Variants in LRRC58 observed in about 807,000 individuals in gnomAD.
The protein encoded by LRRC58 is leucine rich repeat containing 58.
A neutral mutation model predicts 30.6 loss-of-function variants in LRRC58; 18 were observed. That is an observed-to-expected ratio of 0.59 (90% CI 0.41 to 0.87). LRRC58 has a LOEUF of 0.87. LRRC58 is among the 40% of genes least tolerant of loss of function. The pLI, the probability that LRRC58 is intolerant of heterozygous loss-of-function variation, is 0.00. For synonymous variants in LRRC58, 221 were observed against 206.0 expected (o/e 1.07, Z -0.62); for missense variants, 420 against 468.4 (o/e 0.90, Z 0.95).
rs1403833818 is a variant in LRRC58, at chr3:120,331,042, G to C, written c.*158C>G. On this transcript the variant is annotated 3_prime_UTR_variant, in exon 4 of 4. Transcript: ENST00000295628. Reference sequence around the variant, plus strand: ...ACATGGGACTGGACTCATTCTTGCTGAATGGGTAGATGAAACACAAAATGT... The same window carrying C: ...ACATGGGACTGGACTCATTCTTGCTCAATGGGTAGATGAAACACAAAATGT... 3.2e-6 allele frequency: 2 copies of C among 629,692 alleles called. No homozygotes were observed. Among genetic ancestry groups the C allele is most frequent in the African/African-American group, 3.7e-5 (2 of 54,298 alleles). The allele number at this position is 629,692 out of a possible 1,614,324, so 39.0% of individuals were successfully genotyped here.
rs1432214204 is a variant in LRRC58, at chr3:120,348,968, G to A, written c.276C>T (p.Gly92=). Residue 92 remains glycine, a synonymous_variant, in exon 1 of 4, where the codon GGC becomes GGT. Coordinates refer to ENST00000295628, the MANE Select transcript of LRRC58 (RefSeq NM_001099678.2). ...ALGPELLALR[G]LRTLLAKNNR... is the part of the protein sequence containing the mutation. ...TGTTCTTGGCCAGCAGCGTGCGCAG[G>A]CCGCGCAGAGCGAGCAGCTCCGGCC... 1 of 1,538,770 alleles carries A rather than the reference G, an allele frequency of 6.5e-7. No individual in the cohort carries two copies. The highest frequency in any genetic ancestry group is 2.5e-5 in the East Asian group (1 of 40,462).
At chr3:120,337,922 T>C (rs965477625) in intron 1 of LRRC58, among the ~76,000 whole-genome samples, 2 of 152,068 alleles carry the variant, frequency 1.3e-5, no homozygotes, top group South Asian at 2.1e-4. Flanking sequence ...CACTGCAACC[T>C]CTGCCTCACG....
chr3:120,348,471 T>C (rs1000349056), intron 1 of LRRC58, among the ~76,000 whole-genome samples: 1 of 152,186 alleles, frequency 6.6e-6, no homozygotes, highest in African/African-American at 2.4e-5. Flanking sequence ...TTCCACTCAG[T>C]TTGGATCACG....
chr3:120,342,586 G>A (rs1417030868), intron 1 of LRRC58, among the ~76,000 whole-genome samples: 1 of 152,152 alleles, frequency 6.6e-6, no homozygotes, highest in African/African-American at 2.4e-5. Context: ...AGGGCCTCCT[G>A]TCTGCTGAGA....
intron 1 of LRRC58, among the ~76,000 whole-genome samples, chr3:120,343,557 T>C (rs974998601): frequency 1.3e-5 from 2 of 152,252 alleles, no homozygotes; most frequent in Non-Finnish European, 2.9e-5. Flanking sequence ...ATTAATATAT[T>C]GACCTTAAAA....
chr3:120,347,858 G>A (rs960344162), intron 1 of LRRC58, among the ~76,000 whole-genome samples: 1 of 151,800 alleles, frequency 6.6e-6, no homozygotes, highest in Non-Finnish European at 1.5e-5. Flanking sequence ...TCCCCCACCG[G>A]GCACTTTTAT....
At chr3:120,336,270 GT>G (rs762085556) in intron 1 of LRRC58, among the ~76,000 whole-genome samples, 8 of 152,164 alleles carry the variant, frequency 5.3e-5, no homozygotes, top group Non-Finnish European at 1.2e-4. Context: ...GAAGATAAAA[GT>G]TTTAAAAAGG....
rs949922341 is a variant in LRRC58, at chr3:120,325,623, C to G, written c.*5577G>C. The G allele has an allele frequency of 2.6e-5, 4 of 151,846 alleles. No homozygotes were observed. Among genetic ancestry groups the G allele is most frequent in the African/African-American group, 7.3e-5 (3 of 41,320 alleles). The allele number at this position is 151,846 out of a possible 1,614,324, so 9.4% of individuals were successfully genotyped here. On this transcript the variant is annotated 3_prime_UTR_variant, in exon 4 of 4. Transcript: ENST00000295628. ...ATATCAATTCTTAGTAAATATAGAC[C>G]AAGAAGAGATAGAAAAAGAATGGGA... is the stretch of plus-strand genomic sequence containing the variant.
In LRRC58 at chr3:120,331,343, G is replaced by A. The variant is rs1314334021; in HGVS notation, c.973C>T (p.Pro325Ser). The change falls in exon 4 of 4, where the codon CCA (proline) becomes TCA (serine). Residue 325 changes from proline to serine, a missense_variant. Physicochemically the swap from Pro to Ser is moderately conservative, Grantham distance 74. Coordinates refer to ENST00000295628, the MANE Select transcript of LRRC58 (RefSeq NM_001099678.2). ...FVDFCGKYRLPLMHYLCSPEC... is the reference protein window; with the variant it reads ...FVDFCGKYRLSLMHYLCSPEC... ...GGTGAACACAAGTAGTGCATCAGTG[G>A]GAGGCGATACTTCCCACAGAAGTCC... The A allele has an allele frequency of 6.2e-7, 1 of 1,613,918 alleles. No homozygotes were observed. Among genetic ancestry groups the A allele is most frequent in the South Asian group, 1.1e-5 (1 of 91,076 alleles).
chr3:120,326,937 A>T lies in LRRC58; in HGVS notation c.*4263T>A, dbSNP rs1441611822. On this transcript the variant is annotated 3_prime_UTR_variant, in exon 4 of 4. Transcript: ENST00000295628. The stretch of plus-strand genomic sequence containing the variant: ...TTTACATAGTGAAAAGGTAAACATT[A>T]ACCAAGGCTACCTGTTATATCACAA... 6.6e-6 allele frequency: 1 copy of T among 152,326 alleles called. No individual in the cohort carries two copies. Among genetic ancestry groups the T allele is most frequent in the Admixed American group, 6.5e-5 (1 of 15,306 alleles). 9.4% of individuals were successfully genotyped at this position (152,326 alleles called of 1,614,324 possible).
At chr3:120,335,447 A>T (rs1159389834) in intron 2 of LRRC58, among the ~76,000 whole-genome samples, 1 of 152,216 alleles carries the variant, frequency 6.6e-6, no homozygotes, top group Non-Finnish European at 1.5e-5. Flanking sequence ...TCTCATTCAG[A>T]TATCTAAAAA....
At chr3:120,345,758 T>C (rs114407453) in intron 1 of LRRC58, among the ~76,000 whole-genome samples, 206 of 152,350 alleles carry the variant, frequency 1.4e-3, no homozygotes, top group Non-Finnish European at 2.6e-3. Context: ...TACCGATTCT[T>C]AGCAGTAACG....
At chr3:120,332,051 C>G (rs1054618501) in intron 3 of LRRC58, among the ~76,000 whole-genome samples, 1 of 152,174 alleles carries the variant, frequency 6.6e-6, no homozygotes, top group Non-Finnish European at 1.5e-5. Context: ...TAGTGCTCCT[C>G]GACTGTGGCC....
chr3:120,349,294 G>T lies in LRRC58; in HGVS notation c.-51C>A, dbSNP rs1028351884. On this transcript the variant is annotated 5_prime_UTR_variant, in exon 1 of 4. Coordinates refer to ENST00000295628, the MANE Select transcript of LRRC58 (RefSeq NM_001099678.2). ...CCGGATTCCCCAGAGCGCCGCGCGC[G>T]GTCCAGAGGCCGGGAGCTCTGCGGC... The T allele has an allele frequency of 1.5e-6, 2 of 1,343,838 alleles. No individual in the cohort carries two copies. Among genetic ancestry groups the T allele is most frequent in the African/African-American group, 1.5e-5 (1 of 64,810 alleles). The allele number at this position is 1,343,838 out of a possible 1,614,324, so 83.2% of individuals were successfully genotyped here. A position where few individuals can be genotyped will look rare whatever the true frequency, so the allele number is the denominator to read the frequency against.
chr3:120,340,953 C>T (rs1209955944), intron 1 of LRRC58, among the ~76,000 whole-genome samples: 1 of 152,068 alleles, frequency 6.6e-6, no homozygotes, highest in African/African-American at 2.4e-5. Flanking sequence ...TATCTCTGAT[C>T]GTGTAAAGCT....
At chr3:120,347,739 A>G (rs964374152) in intron 1 of LRRC58, among the ~76,000 whole-genome samples, 2 of 152,076 alleles carry the variant, frequency 1.3e-5, no homozygotes, top group Non-Finnish European at 2.9e-5. Context: ...GGTCCCTTCT[A>G]CCTTTAACGT....
chr3:120,346,554 G>A (rs1036122481), intron 1 of LRRC58, among the ~76,000 whole-genome samples: 1 of 152,158 alleles, frequency 6.6e-6, no homozygotes, highest in East Asian at 1.9e-4. Flanking sequence ...TGCATTGTAA[G>A]TATTAAATAA....
At chr3:120,339,127 C>T (rs1935872000) in intron 1 of LRRC58, among the ~76,000 whole-genome samples, 1 of 152,112 alleles carries the variant, frequency 6.6e-6, no homozygotes, top group African/African-American at 2.4e-5. Context: ...CATACCTTTT[C>T]CCTTTAGTTC....
intron 1 of LRRC58, among the ~76,000 whole-genome samples, chr3:120,347,628 T>G: frequency 6.6e-6 from 1 of 151,354 alleles, no homozygotes; most frequent in East Asian, 1.9e-4. Context: ...CCTGACCTCA[T>G]GATCCACCTG....
Sources: allele counts gnomAD v4.1 joint callset (sites outside exome capture counted in the v4.1 genomes callset), GRCh38; gene constraint gnomAD v4.1.1; transcripts MANE v1.5; gene names NCBI Gene and HGNC (gene_info 2026-07-23, HGNC 2026-07-21).